AMD1: variants seen among roughly 807,000 people sequenced by gnomAD.
The protein encoded by AMD1 is adenosylmethionine decarboxylase 1, also known as S-adenosylmethionine decarboxylase proenzyme.
In AMD1, 11 loss-of-function variants were observed where a neutral mutation model predicts 40.2. The ratio of observed to expected loss-of-function variants is 0.27; its 90% confidence interval spans 0.17 to 0.45. AMD1 has a LOEUF of 0.45. AMD1 is among the 20% of genes least tolerant of loss of function. The pLI, the probability that AMD1 is intolerant of heterozygous loss-of-function variation, is 1.00. For missense variants in AMD1, 257 were observed against 410.2 expected, an observed-to-expected ratio of 0.63 and a Z score of 3.23; for synonymous variants, 121 against 130.8, an observed-to-expected ratio of 0.93 and a Z score of 0.51.
chr6:110,891,928 C>T (rs931563361), intron 4 of AMD1: 26 of 545,176 alleles, frequency 4.8e-5, no homozygotes, highest in Admixed American at 1.3e-4. Context: ...TTTTTAGTAG[C>T]GATGGGGTTT....
upstream of AMD1, among the ~76,000 whole-genome samples, chr6:110,871,523 T>C (rs1784917849): frequency 6.6e-6 from 1 of 152,088 alleles, no homozygotes; most frequent in Non-Finnish European, 1.5e-5. Context: ...AGTGGAATCA[T>C]TGATGATTTT....
At chr6:110,827,373 G>C in the AMD1 span, among the ~76,000 whole-genome samples, 1 of 151,044 alleles carries the variant, frequency 6.6e-6, no homozygotes, top group Admixed American at 6.6e-5. Context: ...TAACTCCTGG[G>C]CTCAAGCAAT....
chr6:110,878,022 A>G (rs1785205010), intron 1 of AMD1, among the ~76,000 whole-genome samples: 1 of 152,222 alleles, frequency 6.6e-6, no homozygotes, highest in African/African-American at 2.4e-5. Context: ...TAGCTTTCCA[A>G]AACTAATGCA....
upstream of AMD1, among the ~76,000 whole-genome samples, chr6:110,870,078 A>G (rs1280594055): frequency 1.3e-5 from 2 of 152,180 alleles, no homozygotes; most frequent in South Asian, 2.1e-4. Flanking sequence ...AACACCATCA[A>G]TGTGACAGAT....
chr6:110,865,035 G>A, the AMD1 span, among the ~76,000 whole-genome samples: 1 of 152,230 alleles, frequency 6.6e-6, no homozygotes, highest in East Asian at 1.9e-4. Flanking sequence ...TATGGTTTCT[G>A]CAGCTGTTGA....
At chr6:110,858,646 G>A in the AMD1 span, 2 of 1,275,204 alleles carry the variant, frequency 1.6e-6, no homozygotes, top group Non-Finnish European at 2.3e-6. Context: ...CTAAGGGGCT[G>A]CAGAGCGGGG....
chr6:110,883,769 T>C (rs919310258), intron 1 of AMD1, among the ~76,000 whole-genome samples: 3 of 152,006 alleles, frequency 2.0e-5, no homozygotes, highest in African/African-American at 7.3e-5. Flanking sequence ...TTTTTTTTTT[T>C]TTTATTTTTA....
intron 1 of AMD1, among the ~76,000 whole-genome samples, chr6:110,884,629 G>A (rs1418124198): frequency 6.6e-6 from 1 of 152,020 alleles, no homozygotes; most frequent in African/African-American, 2.4e-5. Flanking sequence ...ACTGGCTATT[G>A]CTATGTTGCC....
At chr6:110,831,579 A>G in the AMD1 span, among the ~76,000 whole-genome samples, 7 of 152,018 alleles carry the variant, frequency 4.6e-5, no homozygotes, top group Non-Finnish European at 2.9e-5. Context: ...ATAGGCATGA[A>G]CCACCACGCC....
At chr6:110,818,168 A>G in the AMD1 span, among the ~76,000 whole-genome samples, 193 of 152,288 alleles carry the variant, frequency 1.3e-3, 1 homozygote, top group African/African-American at 4.2e-3. Flanking sequence ...GCTGGGGCAA[A>G]ATTAATATAA....
chr6:110,861,167 G>A, the AMD1 span, among the ~76,000 whole-genome samples: 1 of 152,006 alleles, frequency 6.6e-6, no homozygotes, highest in South Asian at 2.1e-4. Context: ...GACCATCCTG[G>A]CTAACATGGT....
intron 2 of AMD1, 95 bp downstream of exon 2, chr6:110,887,686 T>G (rs1785771164): frequency 1.2e-6 from 1 of 844,124 alleles, no homozygotes; most frequent in Non-Finnish European, 1.7e-6. Context: ...CTGGGGGTTT[T>G]TTTGTTTTGT....
chr6:110,826,196 C>T, the AMD1 span, among the ~76,000 whole-genome samples: 2 of 134,326 alleles, frequency 1.5e-5, no homozygotes, highest in Admixed American at 8.2e-5. Flanking sequence ...CGCTTGAACC[C>T]GGGAGGTGGA....
At chr6:110,821,805 G>A in the AMD1 span, among the ~76,000 whole-genome samples, 1 of 152,076 alleles carries the variant, frequency 6.6e-6, no homozygotes, top group Admixed American at 6.6e-5. Flanking sequence ...AAACCTTTGG[G>A]ATACAGCAAA....
chr6:110,858,452 G>A, the AMD1 span: 2 of 1,079,284 alleles, frequency 1.9e-6, no homozygotes, highest in Non-Finnish European at 2.9e-6. Context: ...GCCGGGCTCA[G>A]TCCTCAAGAT....
chr6:110,833,673 C>T, the AMD1 span, among the ~76,000 whole-genome samples: 1 of 152,154 alleles, frequency 6.6e-6, no homozygotes, highest in Non-Finnish European at 1.5e-5. Flanking sequence ...AGTAGACTAA[C>T]TCCTCTTAAA....
intron 1 of AMD1, among the ~76,000 whole-genome samples, chr6:110,877,444 C>T (rs1479177212): frequency 1.3e-5 from 2 of 152,256 alleles, no homozygotes; most frequent in Non-Finnish European, 2.9e-5. Context: ...GTATCATGGA[C>T]GGAGTCCGGT....
intron 5 of AMD1, 35 bp from the exon 6 acceptor site, chr6:110,892,264 G>A (rs1372127504): frequency 1.2e-6 from 2 of 1,613,480 alleles, no homozygotes; most frequent in Non-Finnish European, 1.7e-6. Context: ...ACTGCCAATT[G>A]TCATTTTTAG....
At chr6:110,852,953 T>A in the AMD1 span, among the ~76,000 whole-genome samples, 1 of 151,930 alleles carries the variant, frequency 6.6e-6, no homozygotes, top group South Asian at 2.1e-4. Context: ...TCCCTTTTTT[T>A]TGAACTTGCA....
Sources: gnomAD v4.1 joint callset for allele counts (sites outside exome capture counted in the v4.1 genomes callset) on GRCh38, gnomAD v4.1.1 for gene constraint, MANE v1.5 for transcripts, NCBI Gene and HGNC (gene_info 2026-07-23, HGNC 2026-07-21) for gene names.